SLC10A7: variants seen among roughly 807,000 people sequenced by gnomAD.
SLC10A7 encodes the protein solute carrier family 10 member 7.
Under a neutral mutation model 43.2 loss-of-function variants are expected in SLC10A7, and 29 were observed. The observed-to-expected ratio is 0.67, with a 90% CI of 0.50 to 0.92. The LOEUF (loss-of-function observed/expected upper bound fraction) is 0.92, where lower values mean the gene tolerates loss of function less well. Ranked by LOEUF, SLC10A7 falls within the 40% of genes least tolerant of loss-of-function variation. The pLI is 0.00. For missense variants in SLC10A7, 295 were observed against 403.2 expected, an observed-to-expected ratio of 0.73 and a Z score of 2.30; for synonymous variants, 152 against 144.8, an observed-to-expected ratio of 1.05 and a Z score of -0.35.
Position 146,274,456 on chromosome 4 carries a change from C to T in SLC10A7, c.847+8736G>A, listed in dbSNP as rs554586473. Among the ~76,000 whole-genome samples the T allele has an allele frequency of 1.6e-4, 25 of 152,076 alleles. No homozygotes were observed. The South Asian group carries it at 1.9e-3, about 11-fold the overall frequency. ...TCACCTCAGGTGATCCACCAGCCTCCGCCCCCCAAAGTTCTGGGATTACAG... is the reference window on the plus strand; with the variant it reads ...TCACCTCAGGTGATCCACCAGCCTCTGCCCCCCAAAGTTCTGGGATTACAG... On this transcript the variant is annotated intron_variant, in intron 10 of 11. Coordinates refer to ENST00000335472, the MANE Select transcript of SLC10A7 (RefSeq NM_001029998.6).
In SLC10A7 at chr4:146,521,919, T is replaced by G. The variant is rs761988405; in HGVS notation, c.-202A>C. On this transcript the variant is annotated 5_prime_UTR_variant, in exon 1 of 12. Coordinates refer to ENST00000335472, the MANE Select transcript of SLC10A7 (RefSeq NM_001029998.6). ...GAGGGTTGGGAGTAGTAGTAGCCAG[T>G]GACAGGAAAGTCTCACTGAGCGCCG... The G allele has an allele frequency of 1.2e-4, 63 of 515,366 alleles. No homozygotes were observed. The highest frequency in any genetic ancestry group is 2.2e-4 in the African/African-American group (11 of 51,130). The allele number at this position is 515,366 out of a possible 1,614,324, so 31.9% of individuals were successfully genotyped here. A position where few individuals can be genotyped will look rare whatever the true frequency, so the allele number is the denominator to read the frequency against.
At chr4:146,480,083 T>G (rs1364908917) in intron 4 of SLC10A7, among the ~76,000 whole-genome samples, 5 of 152,112 alleles carry the variant, frequency 3.3e-5, no homozygotes, top group Non-Finnish European at 5.9e-5. Context: ...CTATTCTTAA[T>G]ATTAATGTGT....
chr4:146,353,116 T>G (rs1434693116), intron 5 of SLC10A7, among the ~76,000 whole-genome samples: 1 of 146,134 alleles, frequency 6.8e-6, no homozygotes, highest in Non-Finnish European at 1.5e-5. Context: ...TTTGAAAGGA[T>G]CAACAAAATT....
chr4:146,306,543 T>C (rs1731586600), intron 6 of SLC10A7, among the ~76,000 whole-genome samples: 1 of 152,198 alleles, frequency 6.6e-6, no homozygotes, highest in Non-Finnish European at 1.5e-5. Flanking sequence ...ATTTTTCAAC[T>C]TAAAATTTCA....
intron 4 of SLC10A7, among the ~76,000 whole-genome samples, chr4:146,465,890 C>A (rs1456461823): frequency 6.6e-6 from 1 of 152,176 alleles, no homozygotes; most frequent in Non-Finnish European, 1.5e-5. Flanking sequence ...AACCAGCCCT[C>A]CTGTCTAACC....
At chr4:146,398,891 C>T (rs1739022768) in intron 5 of SLC10A7, among the ~76,000 whole-genome samples, 2 of 152,196 alleles carry the variant, frequency 1.3e-5, no homozygotes, top group African/African-American at 4.8e-5. Flanking sequence ...TTAGCACATA[C>T]TAGGTGCCAG....
chr4:146,503,911 C>T lies in SLC10A7; in HGVS notation c.334G>A (p.Gly112Ser), dbSNP rs147709170. ...EWLLKGLQTV[G>S]CMPPPVSSAV... ...GAAGACACAGGCGGAGGCATGCAAC[C>T]TACTGTCTGCAAACTGAAAAATAAA... The change falls in exon 4 of 12, where the codon GGT becomes AGT. Residue 112 changes from glycine (G) to serine (S), a missense_variant. Gly to Ser is a moderately conservative substitution (Grantham distance 56, BLOSUM62 0). Transcript: ENST00000335472. The T allele has an allele frequency of 4.3e-6, 7 of 1,614,082 alleles. No individual in the cohort carries two copies. In the African/African-American group the frequency reaches 5.3e-5, roughly 12 times the overall value.
At chr4:146,451,985 C>T (rs1452674661) in intron 4 of SLC10A7, among the ~76,000 whole-genome samples, 1 of 152,034 alleles carries the variant, frequency 6.6e-6, no homozygotes, top group Non-Finnish European at 1.5e-5. Flanking sequence ...TACCTCCAGG[C>T]ATCTTGGTAT....
rs1553973109 is a variant in SLC10A7 at position 146,442,237 on chromosome 4, T to TTACA, written c.435+545_435+546insTGTA. On this transcript the variant is annotated intron_variant, in intron 5 of 11. Coordinates refer to ENST00000335472, the MANE Select transcript of SLC10A7 (RefSeq NM_001029998.6). Reference sequence around the variant, plus strand: ...TGAAAGCTGAACTACTTTTGAATCTTTATATATATATATATATAGATACAA... The same window carrying TTACA: ...TGAAAGCTGAACTACTTTTGAATCTTTACATATATATATATATATATAGATACAA... The TTACA allele has an allele frequency of 7.3e-6, 6 of 819,912 alleles. No homozygotes were observed. The East Asian group carries it at 7.8e-4, about 107-fold the overall frequency. The allele number at this position is 819,912 out of a possible 1,614,324, so 50.8% of individuals were successfully genotyped here. A position where few individuals can be genotyped will look rare whatever the true frequency, so the allele number is the denominator to read the frequency against.
intron 4 of SLC10A7, among the ~76,000 whole-genome samples, chr4:146,495,207 A>G (rs1343235653): frequency 6.6e-6 from 1 of 152,200 alleles, no homozygotes; most frequent in Non-Finnish European, 1.5e-5. Context: ...TTTCAGACAT[A>G]AGATTCCTCC....
intron 5 of SLC10A7, among the ~76,000 whole-genome samples, chr4:146,437,307 T>C (rs972678305): frequency 6.6e-6 from 1 of 152,206 alleles, no homozygotes; most frequent in East Asian, 1.9e-4. Context: ...ATGGGTTGCA[T>C]TGTGCAAAGG....
chr4:146,350,290 G>A (rs1374845188), intron 5 of SLC10A7, among the ~76,000 whole-genome samples: 1 of 151,546 alleles, frequency 6.6e-6, no homozygotes, highest in Non-Finnish European at 1.5e-5. Context: ...TGGAAAATCG[G>A]GTCACTCCCA....
chr4:146,310,247 A>T (rs1731872334), intron 6 of SLC10A7, among the ~76,000 whole-genome samples: 1 of 152,010 alleles, frequency 6.6e-6, no homozygotes, highest in Admixed American at 6.6e-5. Context: ...GGTTGATTCC[A>T]TGTCTTTGCT....
Position 146,257,779 on chromosome 4 carries a change from C to A in SLC10A7, c.993+913G>T, listed in dbSNP as rs142428200. Among the ~76,000 whole-genome samples, 1,230 of 152,324 alleles carry A rather than the reference C, an allele frequency of 8.1e-3. 15 individuals carry two copies. The highest frequency in any genetic ancestry group is 0.029 in the African/African-American group (1,190 of 41,578). On this transcript the variant is annotated intron_variant, in intron 11 of 11. Coordinates refer to ENST00000335472, the MANE Select transcript of SLC10A7 (RefSeq NM_001029998.6). Reference sequence around the variant, plus strand: ...CCAGGTTACAGGATGAGAAGGCCAGCAGCCTGAGCTCTGAGCCCAGGCAGG... The same window carrying A: ...CCAGGTTACAGGATGAGAAGGCCAGAAGCCTGAGCTCTGAGCCCAGGCAGG...
intron 7 of SLC10A7, among the ~76,000 whole-genome samples, chr4:146,302,071 TTAAG>T (rs1204759202): frequency 6.6e-6 from 1 of 152,176 alleles, no homozygotes; most frequent in African/African-American, 2.4e-5. Flanking sequence ...ACATACATAA[TTAAG>T]TAAGCTACAT....
At chr4:146,312,371 T>C (rs544927558) in intron 6 of SLC10A7, among the ~76,000 whole-genome samples, 2 of 152,294 alleles carry the variant, frequency 1.3e-5, no homozygotes, top group East Asian at 3.9e-4. Flanking sequence ...TATTACAAAA[T>C]GATTACTATG....
chr4:146,292,289 G>T (rs563565316), intron 9 of SLC10A7, among the ~76,000 whole-genome samples: 4 of 152,306 alleles, frequency 2.6e-5, no homozygotes, highest in Non-Finnish European at 5.9e-5. Context: ...CATAACAAAA[G>T]TTGGGTGTAG....
intron 2 of SLC10A7, among the ~76,000 whole-genome samples, 188 bp downstream of exon 2, chr4:146,516,839 ATGCTGCTCAAC>A (rs1452661287): frequency 6.6e-6 from 1 of 152,146 alleles, no homozygotes; most frequent in Non-Finnish European, 1.5e-5. Context: ...CTCAGGGCCC[ATGCTGCTCAAC>A]TGTACAGCTT....
chr4:146,517,173 G>C (rs1233484850), intron 1 of SLC10A7, 53 bp from the exon 2 acceptor site: 7 of 1,423,960 alleles, frequency 4.9e-6, no homozygotes, highest in Non-Finnish European at 6.8e-6. Context: ...TAGATAACTT[G>C]GCACAAAAGA....
Sources: gnomAD v4.1 joint callset for allele counts (sites outside exome capture counted in the v4.1 genomes callset) on GRCh38, gnomAD v4.1.1 for gene constraint, MANE v1.5 for transcripts, NCBI Gene and HGNC (gene_info 2026-07-23, HGNC 2026-07-21) for gene names.